ALLC: variants seen among roughly 807,000 people sequenced by gnomAD.
ALLC encodes the protein allantoicase.
In ALLC, 40 loss-of-function variants were observed where a neutral mutation model predicts 45.0. That is an observed-to-expected ratio of 0.89 (90% confidence interval 0.69 to 1.16). The LOEUF (loss-of-function observed/expected upper bound fraction) is 1.16. Among genes scored for constraint, ALLC ranks in the 50% most tolerant of loss-of-function variants. ALLC has a pLI of 0.00. For synonymous variants in ALLC, 176 were observed against 178.1 expected (o/e 0.99, Z 0.09); for missense variants, 488 against 493.1 (o/e 0.99, Z 0.10).
intron 7 of ALLC, among the ~76,000 whole-genome samples, chr2:3,686,422 G>T (rs1667335840): frequency 2.0e-5 from 3 of 150,382 alleles, no homozygotes; most frequent in Admixed American, 6.6e-5. Context: ...TTTTTGCTTT[G>T]GTTATTCAGG....
intron 2 of ALLC, among the ~76,000 whole-genome samples, chr2:3,673,459 G>A (rs551339210): frequency 2.6e-5 from 4 of 152,224 alleles, no homozygotes; most frequent in Admixed American, 6.5e-5. Flanking sequence ...CCTGCCTTTC[G>A]AACTCCTGGG....
At chr2:3,667,993 G>A (rs1666770514) in intron 1 of ALLC, among the ~76,000 whole-genome samples, 1 of 152,164 alleles carries the variant, frequency 6.6e-6, no homozygotes, top group South Asian at 2.1e-4. Flanking sequence ...TTGAACTCCC[G>A]ACCTCAGGTG....
At chr2:3,673,604 C>A (rs1666948751) in intron 2 of ALLC, among the ~76,000 whole-genome samples, 1 of 152,220 alleles carries the variant, frequency 6.6e-6, no homozygotes, top group South Asian at 2.1e-4. Flanking sequence ...CAATTAGTAT[C>A]ATTGACCTCA....
intron 1 of ALLC, among the ~76,000 whole-genome samples, chr2:3,662,709 C>T (rs1322458572): frequency 6.6e-6 from 1 of 152,140 alleles, no homozygotes; most frequent in Non-Finnish European, 1.5e-5. Context: ...GAGTACAATC[C>T]ATTCTTCTAG....
chr2:3,675,729 G>A (rs116251108), intron 3 of ALLC, among the ~76,000 whole-genome samples: 10 of 152,120 alleles, frequency 6.6e-5, no homozygotes, highest in Middle Eastern at 6.8e-3. Context: ...AAAGTTCACC[G>A]TTCACCTCCA....
At chr2:3,666,726 G>T (rs774442505) in intron 1 of ALLC, among the ~76,000 whole-genome samples, 7 of 152,246 alleles carry the variant, frequency 4.6e-5, no homozygotes, top group Non-Finnish European at 1.0e-4. Context: ...CCAGCCAGTC[G>T]GTAGGTTGTG....
chr2:3,698,216 C>A (rs754592406), intron 10 of ALLC, among the ~76,000 whole-genome samples: 12 of 152,172 alleles, frequency 7.9e-5, no homozygotes, highest in Non-Finnish European at 1.5e-4. Flanking sequence ...ACGCCCGTCT[C>A]GGCCTCCCAA....
At chr2:3,699,147 C>T (rs1363334413) in intron 10 of ALLC, among the ~76,000 whole-genome samples, 2 of 152,028 alleles carry the variant, frequency 1.3e-5, no homozygotes, top group Admixed American at 6.6e-5. Context: ...GTATGGTACC[C>T]GATAAGTATT....
Position 3,702,501 on chromosome 2 carries a change from C to G in ALLC, c.1114C>G (p.Leu372Val), listed in dbSNP as rs192906577. The change falls in exon 12 of 12, where the codon CTC (leucine) becomes GTC (valine). Residue 372 changes from leucine (L) to valine (V), a missense_variant. Coordinates refer to ENST00000252505, the MANE Select transcript of ALLC (RefSeq NM_018436.4). ...CCGGGGCTTCCCCAGCTCCATCTGC[C>G]TCCTGAGGCCCCGGGAGAAGCCCAT... ...RLRGFPSSIC[L>V]LRPREKPMLK... 52 of 1,611,598 alleles carry G rather than the reference C, an allele frequency of 3.2e-5. No homozygotes were observed. In the Admixed American group the frequency reaches 6.2e-4, roughly 19 times the overall value.
the ALLC span, among the ~76,000 whole-genome samples, chr2:3,650,128 C>T: frequency 6.6e-6 from 1 of 152,250 alleles, no homozygotes; most frequent in African/African-American, 2.4e-5. Flanking sequence ...AGCCGTTCGG[C>T]ACTGGCTGCA....
intron 7 of ALLC, among the ~76,000 whole-genome samples, chr2:3,684,964 G>A (rs1212210574): frequency 6.6e-6 from 1 of 151,848 alleles, no homozygotes; most frequent in Non-Finnish European, 1.5e-5. Context: ...TCTGTTAATG[G>A]GCACTTACTT....
In ALLC at chr2:3,680,401, T is replaced by C. The variant is rs1173619028; in HGVS notation, c.298+407T>C. Among the ~76,000 whole-genome samples the C allele has an allele frequency of 1.3e-5, 2 of 152,074 alleles. No individual in the cohort carries two copies. Among genetic ancestry groups the C allele is most frequent in the Non-Finnish European group, 2.9e-5 (2 of 68,014 alleles). Reference sequence around the variant, plus strand: ...AGCCCTGCTTTGGGCTGTCCCAGTGTGTGTGATGGGGGAGCTGCTATGGCA... The same window carrying C: ...AGCCCTGCTTTGGGCTGTCCCAGTGCGTGTGATGGGGGAGCTGCTATGGCA... On this transcript the variant is annotated intron_variant, in intron 5 of 11. Transcript: ENST00000252505. The surrounding 1 kb of genome is among the most constrained non-coding windows in gnomAD (Gnocchi z 4.0).
chr2:3,647,488 T>C, the ALLC span, among the ~76,000 whole-genome samples: 2 of 151,212 alleles, frequency 1.3e-5, no homozygotes, highest in East Asian at 2.0e-4. Flanking sequence ...CGCTGGGGGT[T>C]ACTCACCCAT....
At chr2:3,677,755 T>C (rs1226997317) in intron 3 of ALLC, among the ~76,000 whole-genome samples, 2 of 152,220 alleles carry the variant, frequency 1.3e-5, no homozygotes, top group Non-Finnish European at 2.9e-5. Context: ...CCTCTGCTCC[T>C]GCCTGGGGAG....
rs969826782 is a variant in ALLC at position 3,680,757 on chromosome 2, G to C, written c.298+763G>C. On this transcript the variant is annotated intron_variant, in intron 5 of 11. Transcript: ENST00000252505. This position sits in a 1 kb window ranked among gnomAD's most constrained non-coding sequence, Gnocchi z 4.0. ...CAACTGAAGGCAGCCTCCAGAACAG[G>C]GAAGAGGGCGGTGTGCGTCACAGCC... 3.3e-5 allele frequency among the ~76,000 whole-genome samples: 5 copies of C among 152,028 alleles called. No homozygotes were observed. The highest frequency in any genetic ancestry group is 9.7e-5 in the African/African-American group (4 of 41,394).
At position 3,667,748 on chromosome 2, in the gene ALLC, C is replaced by T. The variant is rs562177422; in HGVS notation, c.-62-3348C>T. ...GCCAGTGTGGAGTGCGCATCTAATC[C>T]GGAAAGGCAGATAATAAATAAATAC... On this transcript the variant is annotated intron_variant, in intron 1 of 11. Transcript: ENST00000252505. 3.9e-5 allele frequency among the ~76,000 whole-genome samples: 6 copies of T among 152,272 alleles called. No homozygotes were observed. In the East Asian group the frequency reaches 9.6e-4, roughly 24 times the overall value.
At chr2:3,666,329 G>A (rs1666723640) in intron 1 of ALLC, among the ~76,000 whole-genome samples, 1 of 152,238 alleles carries the variant, frequency 6.6e-6, no homozygotes, top group Non-Finnish European at 1.5e-5. Context: ...CCAGTGTTTT[G>A]TAGTGACTTA....
At chr2:3,670,693 C>A (rs1666843075) in intron 1 of ALLC, among the ~76,000 whole-genome samples, 1 of 152,152 alleles carries the variant, frequency 6.6e-6, no homozygotes, top group Non-Finnish European at 1.5e-5. Context: ...CTAGCCAGGG[C>A]CTGCCACCCA....
At position 3,701,570 on chromosome 2, in the gene ALLC, A is replaced by C. The variant is rs756264218; in HGVS notation, c.909A>C (p.Glu303Asp). The part of the protein sequence containing the change: ...DGCILTTQEE[E>D]AVIRQKWILP... ...GCATCCTGACAACTCAGGAAGAAGA[A>C]GCCGTGATCAGGCAAAAGTGGATTC... is the stretch of plus-strand genomic sequence containing the variant. The change falls in exon 11 of 12, where the codon GAA (glutamate) becomes GAC (aspartate). Residue 303 changes from glutamate (E) to aspartate (D), a missense_variant. Transcript: ENST00000252505. 2.7e-6 allele frequency: 4 copies of C among 1,506,316 alleles called. No homozygotes were observed. The South Asian group carries it at 3.5e-5, about 13-fold the overall frequency. 93.3% of individuals were successfully genotyped at this position (1,506,316 alleles called of 1,614,324 possible).
Sources: gnomAD v4.1 joint callset for allele counts (sites outside exome capture counted in the v4.1 genomes callset) on GRCh38, gnomAD v4.1.1 for gene constraint, Gnocchi (gnomAD v3.1) non-coding constraint, MANE v1.5 for transcripts, NCBI Gene and HGNC (gene_info 2026-07-23, HGNC 2026-07-21) for gene names.